The following SETD5 variants were observed in gnomAD, a reference collection of about 807,000 sequenced individuals.
SETD5 encodes the protein histone-lysine N-methyltransferase SETD5.
Under a neutral mutation model 153.3 loss-of-function variants are expected in SETD5, and 44 were observed. The observed-to-expected ratio is 0.29, with a 90% confidence interval of 0.23 to 0.37. SETD5 has a LOEUF of 0.37. SETD5 is among the 10% of genes least tolerant of loss of function. SETD5 has a pLI of 1.00. For missense variants in SETD5, 1,544 were observed against 1,768.0 expected (o/e 0.87, Z 2.27); for synonymous variants, 716 against 645.2 (o/e 1.11, Z -1.66).
At chr3:9,469,936 T>C (rs2045105927) in intron 18 of SETD5, among the ~76,000 whole-genome samples, 1 of 152,178 alleles carries the variant, frequency 6.6e-6, no homozygotes, top group Non-Finnish European at 1.5e-5. Flanking sequence ...CCATCCTCCT[T>C]TACTGAACCA....
chr3:9,462,621 G>A (rs2044107009), intron 17 of SETD5, among the ~76,000 whole-genome samples: 1 of 151,074 alleles, frequency 6.6e-6, no homozygotes, highest in African/African-American at 2.4e-5. Context: ...AATATAGATA[G>A]ATGGGGCCAG....
intron 1 of SETD5, among the ~76,000 whole-genome samples, chr3:9,414,756 A>G (rs989577559): frequency 6.6e-6 from 1 of 152,122 alleles, no homozygotes; most frequent in African/African-American, 2.4e-5. Flanking sequence ...ATTGAGAACC[A>G]CTGCTTTTAA....
chr3:9,465,396 A>G (rs2044433831), intron 18 of SETD5, among the ~76,000 whole-genome samples: 1 of 152,228 alleles, frequency 6.6e-6, no homozygotes, highest in South Asian at 2.1e-4. Context: ...GAATCCATGT[A>G]TACTTTTTTA....
chr3:9,448,494 A>G lies in SETD5; in HGVS notation c.2210A>G (p.Asn737Ser). 1 of 1,613,922 alleles carries G rather than the reference A, an allele frequency of 6.2e-7. No individual in the cohort carries two copies. Among genetic ancestry groups the G allele is most frequent in the Non-Finnish European group, 8.5e-7 (1 of 1,179,876 alleles). The change falls in exon 16 of 23, where the codon AAC (asparagine) becomes AGC (serine). Residue 737 changes from asparagine to serine, a missense_variant. By Grantham distance (46) the Asn-to-Ser change is conservative. Coordinates refer to ENST00000402198, the MANE Select transcript of SETD5 (RefSeq NM_001080517.3). Reference protein sequence around the residue: ...TDPTVLATTLNMLPGLIHSPL... With the variant: ...TDPTVLATTLSMLPGLIHSPL... ...CCAACTGTACTGGCAACGACCCTAA[A>G]CATGTTACCAGGTCTTATCCATTCC...
intron 1 of SETD5, among the ~76,000 whole-genome samples, chr3:9,400,833 C>T (rs2034649369): frequency 6.6e-6 from 1 of 152,166 alleles, no homozygotes; most frequent in Admixed American, 6.5e-5. Context: ...TCTCCCCTCC[C>T]CCACAACTCC....
chr3:9,438,837 G>T (rs942181709), intron 7 of SETD5, among the ~76,000 whole-genome samples: 1 of 152,120 alleles, frequency 6.6e-6, no homozygotes, highest in African/African-American at 2.4e-5. Flanking sequence ...CTAGATGCCG[G>T]TAACACTCAT....
chr3:9,410,347 C>G (rs1559353406), intron 1 of SETD5, among the ~76,000 whole-genome samples: 1 of 152,290 alleles, frequency 6.6e-6, no homozygotes, highest in East Asian at 1.9e-4. Context: ...GTGGTCCATC[C>G]TTGACTGAAA....
intron 9 of SETD5, 98 bp downstream of exon 9, chr3:9,441,839 A>G (rs571379125): frequency 1.4e-6 from 2 of 1,461,708 alleles, no homozygotes; most frequent in Non-Finnish European, 1.9e-6. Flanking sequence ...CTCTTGGGAG[A>G]AAAAAATCAC....
At chr3:9,423,658 T>A (rs1011177528) in intron 1 of SETD5, among the ~76,000 whole-genome samples, 6 of 152,246 alleles carry the variant, frequency 3.9e-5, no homozygotes, top group African/African-American at 1.4e-4. Flanking sequence ...AATAGTTTAT[T>A]TTCCAGTTTT....
At chr3:9,435,349 G>A (rs1411488253) in intron 6 of SETD5, among the ~76,000 whole-genome samples, 2 of 151,526 alleles carry the variant, frequency 1.3e-5, no homozygotes, top group East Asian at 1.9e-4. Context: ...CCACTGTATA[G>A]TTCTCTCATT....
At chr3:9,441,988 A>C (rs1332734340) in intron 9 of SETD5, 140 bp from the exon 10 acceptor site, 8 of 731,124 alleles carry the variant, frequency 1.1e-5, no homozygotes, top group Non-Finnish European at 1.8e-5. Context: ...AATCAAAAGC[A>C]GACAAACGTG....
chr3:9,472,022 G>A (rs954791983), intron 19 of SETD5, among the ~76,000 whole-genome samples: 10 of 152,182 alleles, frequency 6.6e-5, no homozygotes, highest in Admixed American at 2.6e-4. Flanking sequence ...ATAGAAGGAG[G>A]AGGAAACATT....
rs1559451071 is a variant in SETD5 at position 9,453,782 on chromosome 3, C to T, written c.2390C>T (p.Ser797Leu). ...TTAGAAGAAGGGATGACTCAAACATCATCTGTACCCCAAGAGACTAGAACT... is the reference window on the plus strand; with the variant it reads ...TTAGAAGAAGGGATGACTCAAACATTATCTGTACCCCAAGAGACTAGAACT... Reference protein sequence around the residue: ...QALEEGMTQTSSVPQETRTQH... With the variant: ...QALEEGMTQTLSVPQETRTQH... Residue 797 changes from serine to leucine, a missense_variant, in exon 17 of 23, where the codon TCA becomes TTA. Coordinates refer to ENST00000402198, the MANE Select transcript of SETD5 (RefSeq NM_001080517.3). The T allele has an allele frequency of 6.2e-7, 1 of 1,608,264 alleles. No homozygotes were observed. Among genetic ancestry groups the T allele is most frequent in the Non-Finnish European group, 8.5e-7 (1 of 1,178,390 alleles).
chr3:9,474,419 G>A lies in SETD5; in HGVS notation c.3498-30G>A, dbSNP rs372730964. 8.1e-6 allele frequency: 13 copies of A among 1,610,756 alleles called. No individual in the cohort carries two copies. In the African/African-American group the frequency reaches 1.6e-4, roughly 20 times the overall value. On this transcript the variant is annotated intron_variant, in intron 20 of 22. Coordinates refer to ENST00000402198, the MANE Select transcript of SETD5 (RefSeq NM_001080517.3). The stretch of plus-strand genomic sequence containing the variant: ...TCATTTGTTTTGGTTAAGTCCTGTG[G>A]CTTGAACTTGCACCCTGTTGCCTTT...
At position 9,433,512 on chromosome 3, in the gene SETD5, G is replaced by A. The variant is rs772533916; in HGVS notation, c.72-333G>A. Reference sequence around the variant, plus strand: ...ATCCAATTAAGAAGAATAGTTCTGAGTCTAAACCAGCCCAGAGTGGCTTCT... The same window carrying A: ...ATCCAATTAAGAAGAATAGTTCTGAATCTAAACCAGCCCAGAGTGGCTTCT... On this transcript the variant is annotated intron_variant, in intron 3 of 22. Transcript: ENST00000402198. 43 of 1,293,222 alleles carry A rather than the reference G, an allele frequency of 3.3e-5. 1 individual carries two copies. The highest frequency in any genetic ancestry group is 4.2e-5 in the Non-Finnish European group (42 of 991,122). The allele number at this position is 1,293,222 out of a possible 1,614,324, so 80.1% of individuals were successfully genotyped here. A position where few individuals can be genotyped will look rare whatever the true frequency, so the allele number is the denominator to read the frequency against.
At chr3:9,409,370 T>C (rs1426279633) in intron 1 of SETD5, among the ~76,000 whole-genome samples, 2 of 152,320 alleles carry the variant, frequency 1.3e-5, no homozygotes, top group East Asian at 3.9e-4. Flanking sequence ...GTTGGTAACT[T>C]AGCAACATCT....
At chr3:9,417,139 C>G (rs189663984) in intron 1 of SETD5, among the ~76,000 whole-genome samples, 5 of 152,178 alleles carry the variant, frequency 3.3e-5, no homozygotes, top group African/African-American at 1.2e-4. Context: ...AAGTTATGCT[C>G]TAGAAGGGAT....
chr3:9,407,790 C>A (rs1236892423), intron 1 of SETD5, among the ~76,000 whole-genome samples: 4 of 152,138 alleles, frequency 2.6e-5, no homozygotes, highest in African/African-American at 9.7e-5. Context: ...CACCTGAGGT[C>A]TGGAGTTCGA....
intron 1 of SETD5, among the ~76,000 whole-genome samples, chr3:9,422,411 T>A (rs2038546322): frequency 6.6e-6 from 1 of 152,228 alleles, no homozygotes; most frequent in Non-Finnish European, 1.5e-5. Flanking sequence ...TATGTATATT[T>A]GTGTTTACTT....
Sources: gnomAD v4.1 joint callset for allele counts (sites outside exome capture counted in the v4.1 genomes callset) on GRCh38, gnomAD v4.1.1 for gene constraint, MANE v1.5 for transcripts, NCBI Gene and HGNC (gene_info 2026-07-23, HGNC 2026-07-21) for gene names.